Variants in CNTN4 observed in about 807,000 individuals in gnomAD.
The protein encoded by CNTN4 is contactin-4.
Under a neutral mutation model 122.5 loss-of-function variants are expected in CNTN4, and 77 were observed. The ratio of observed to expected loss-of-function variants is 0.63; its 90% CI spans 0.52 to 0.76. The LOEUF (loss-of-function observed/expected upper bound fraction) is 0.76. Among genes scored for constraint, CNTN4 ranks in the 30% least tolerant of loss-of-function variants. The pLI is 0.00. For synonymous variants in CNTN4, 512 were observed against 447.0 expected (o/e 1.15, Z -1.83); for missense variants, 1,256 against 1,259.1 (o/e 1.00, Z 0.04).
At chr3:3,007,215 C>T (rs75696668) in intron 14 of CNTN4, among the ~76,000 whole-genome samples, 12 of 152,226 alleles carry the variant, frequency 7.9e-5, no homozygotes, top group Admixed American at 2.0e-4. Flanking sequence ...ATCTGCAGCA[C>T]GTCTTGTTGT....
At chr3:2,344,084 C>T (rs1026646512) in intron 3 of CNTN4, among the ~76,000 whole-genome samples, 1 of 152,118 alleles carries the variant, frequency 6.6e-6, no homozygotes, top group Non-Finnish European at 1.5e-5. Flanking sequence ...AGTCTTCCCC[C>T]CATGGCCCAA....
At chr3:2,379,870 C>T (rs1348410989) in intron 3 of CNTN4, among the ~76,000 whole-genome samples, 1 of 151,994 alleles carries the variant, frequency 6.6e-6, no homozygotes, top group Non-Finnish European at 1.5e-5. Context: ...ACCTGACAAA[C>T]ATGGAGAAAC....
intron 3 of CNTN4, among the ~76,000 whole-genome samples, chr3:2,438,388 G>A (rs2048326546): frequency 6.6e-6 from 1 of 152,080 alleles, no homozygotes; most frequent in Admixed American, 6.5e-5. Flanking sequence ...CAGGCATGGC[G>A]GTGCGTGCCT....
intron 2 of CNTN4, among the ~76,000 whole-genome samples, chr3:2,210,857 T>TA (rs2149438500): frequency 6.6e-6 from 1 of 152,278 alleles, no homozygotes; most frequent in African/African-American, 2.4e-5. Flanking sequence ...TCTTCAGAAA[T>TA]AAAATCATAG....
chr3:2,961,096 G>A (rs1320159471), intron 13 of CNTN4, among the ~76,000 whole-genome samples: 3 of 143,466 alleles, frequency 2.1e-5, no homozygotes, highest in African/African-American at 7.6e-5. Flanking sequence ...CGGGCGTGGT[G>A]ATGGGCGCCT....
chr3:2,341,062 A>C (rs2044193487), intron 3 of CNTN4, among the ~76,000 whole-genome samples: 1 of 152,086 alleles, frequency 6.6e-6, no homozygotes, highest in Admixed American at 6.5e-5. Context: ...AGATACTCTG[A>C]GTGTCCTCAA....
intron 12 of CNTN4, among the ~76,000 whole-genome samples, chr3:2,920,047 G>C (rs569944865): frequency 2.0e-5 from 3 of 151,880 alleles, no homozygotes; most frequent in African/African-American, 7.3e-5. Flanking sequence ...TCTTGAAATG[G>C]CTCCCGTGCT....
intron 2 of CNTN4, among the ~76,000 whole-genome samples, chr3:2,118,188 A>C (rs564678384): frequency 1.3e-5 from 2 of 152,330 alleles, no homozygotes; most frequent in East Asian, 3.9e-4. Flanking sequence ...CTGGGTCCTA[A>C]ATGAGAAAAC....
rs1464685318 is a variant in CNTN4 at position 2,124,275 on chromosome 3, C to CTT, written c.-145+23637_-145+23638dup. On this transcript the variant is annotated intron_variant, in intron 2 of 24. Coordinates refer to ENST00000418658, the MANE Select transcript of CNTN4 (RefSeq NM_175607.3). ...ATGCCAGCATCAACTTCCGCTGTCA[C>CTT]TTGTTTTCTCAACGGTTAGCCATGC... Among the ~76,000 whole-genome samples the CTT allele has an allele frequency of 5.9e-5, 9 of 152,206 alleles. No homozygotes were observed. In the South Asian group the frequency reaches 1.9e-3, roughly 32 times the overall value.
chr3:2,623,647 C>T (rs9824557), intron 4 of CNTN4, among the ~76,000 whole-genome samples: 2,021 of 152,260 alleles, frequency 0.013, 41 homozygotes, highest in African/African-American at 0.046. Flanking sequence ...CATAAAACTG[C>T]TCTCTCTGGT....
chr3:2,195,682 T>G (rs992673841), intron 2 of CNTN4, among the ~76,000 whole-genome samples: 20 of 152,226 alleles, frequency 1.3e-4, no homozygotes, highest in Admixed American at 1.3e-4. Context: ...AGAATATCGG[T>G]AAGCCCACCA....
chr3:2,704,130 C>G (rs561749460), intron 4 of CNTN4, among the ~76,000 whole-genome samples: 1 of 151,620 alleles, frequency 6.6e-6, no homozygotes, highest in East Asian at 2.0e-4. Flanking sequence ...AACCCCGTCT[C>G]TACTAAAAAT....
At chr3:2,969,534 T>TATTA (rs1451126226) in intron 13 of CNTN4, among the ~76,000 whole-genome samples, 1 of 151,500 alleles carries the variant, frequency 6.6e-6, no homozygotes, top group Admixed American at 6.6e-5. Flanking sequence ...TTATTATTAT[T>TATTA]ATTATTCCTA....
intron 4 of CNTN4, among the ~76,000 whole-genome samples, chr3:2,678,988 TTCTGTTGAAATGCCCCCTA>T (rs1428634807): frequency 1.3e-5 from 2 of 152,156 alleles, no homozygotes; most frequent in Non-Finnish European, 2.9e-5. Flanking sequence ...TGCACATGTG[TTCTGTTGAAATGCCCCCTA>T]TATATCTGTT....
intron 3 of CNTN4, among the ~76,000 whole-genome samples, chr3:2,545,586 T>C (rs1463959803): frequency 2.6e-5 from 4 of 152,172 alleles, no homozygotes; most frequent in East Asian, 3.9e-4. Flanking sequence ...GCTTCACTTA[T>C]TGAATTGAAC....
chr3:2,419,501 C>CA (rs1206319984), intron 3 of CNTN4, among the ~76,000 whole-genome samples: 2 of 152,142 alleles, frequency 1.3e-5, no homozygotes, highest in South Asian at 2.1e-4. Flanking sequence ...CCCAATGTTT[C>CA]AAAAAATGCT....
chr3:2,552,794 T>C (rs780936542), intron 3 of CNTN4, among the ~76,000 whole-genome samples: 1 of 152,160 alleles, frequency 6.6e-6, no homozygotes, highest in African/African-American at 2.4e-5. Context: ...AAAACCAATT[T>C]GATGGAACAT....
At chr3:2,961,742 G>T (rs574497523) in intron 13 of CNTN4, among the ~76,000 whole-genome samples, 29 of 152,236 alleles carry the variant, frequency 1.9e-4, no homozygotes, top group African/African-American at 7.0e-4. Flanking sequence ...TTTAAACAGG[G>T]CTTAGAGAGA....
intron 3 of CNTN4, among the ~76,000 whole-genome samples, chr3:2,503,599 G>T (rs1389875189): frequency 6.6e-6 from 1 of 152,130 alleles, no homozygotes; most frequent in Non-Finnish European, 1.5e-5. Context: ...GGCTCACACA[G>T]TTAGTAAGTG....
Sources: gnomAD v4.1 joint callset for allele counts (sites outside exome capture counted in the v4.1 genomes callset) on GRCh38, gnomAD v4.1.1 for gene constraint, MANE v1.5 for transcripts, NCBI Gene and HGNC (gene_info 2026-07-23, HGNC 2026-07-21) for gene names.